Variants in ARMC9 observed in about 807,000 individuals in gnomAD.
ARMC9 encodes armadillo repeat containing 9.
ARMC9 carries 94 observed loss-of-function variants against 107.0 expected under a neutral mutation model. That is an observed-to-expected ratio of 0.88 (90% confidence interval 0.74 to 1.04). The LOEUF (loss-of-function observed/expected upper bound fraction) is 1.04. Among genes scored for constraint, ARMC9 ranks in the 50% least tolerant of loss-of-function variants. The pLI is 0.00. For missense variants in ARMC9, 942 were observed against 1,030.1 expected (o/e 0.91, Z 1.17); for synonymous variants, 380 against 396.9 (o/e 0.96, Z 0.51).
At chr2:231,217,961 A>T (rs925595655) in intron 5 of ARMC9, among the ~76,000 whole-genome samples, 1 of 151,444 alleles carries the variant, frequency 6.6e-6, no homozygotes, top group South Asian at 2.1e-4. Context: ...CCAAAGTGCT[A>T]GGATTACAGG....
At chr2:231,325,587 TGCCCAGAGC>T (rs1328617041) in intron 19 of ARMC9, among the ~76,000 whole-genome samples, 4 of 152,178 alleles carry the variant, frequency 2.6e-5, no homozygotes, top group Non-Finnish European at 5.9e-5. Flanking sequence ...CACTACTCCA[TGCCCAGAGC>T]TCCCTGCCAC....
At chr2:231,275,925 C>A (rs1191854331) in intron 14 of ARMC9, among the ~76,000 whole-genome samples, 1 of 152,126 alleles carries the variant, frequency 6.6e-6, no homozygotes, top group East Asian at 1.9e-4. Context: ...TGCACTCCAG[C>A]CTGGGCAATA....
At chr2:231,292,837 C>G (rs2041109541) in intron 18 of ARMC9, among the ~76,000 whole-genome samples, 1 of 152,232 alleles carries the variant, frequency 6.6e-6, no homozygotes, top group Non-Finnish European at 1.5e-5. Context: ...CCCCAGGTGG[C>G]CTTTCTTCTA....
chr2:231,245,947 G>A (rs137996083), intron 9 of ARMC9, among the ~76,000 whole-genome samples: 1 of 152,304 alleles, frequency 6.6e-6, no homozygotes, highest in Non-Finnish European at 1.5e-5. Context: ...TGCCCTAAGA[G>A]CAGGAGTGGG....
chr2:231,291,492 T>C (rs1365832192), intron 18 of ARMC9, 49 bp downstream of exon 18: 2 of 1,568,718 alleles, frequency 1.3e-6, no homozygotes, highest in East Asian at 2.3e-5. Flanking sequence ...TTATTCACAT[T>C]TGCCAGAAAG....
intron 14 of ARMC9, among the ~76,000 whole-genome samples, chr2:231,274,415 C>A (rs2039596468): frequency 6.6e-6 from 1 of 152,162 alleles, no homozygotes. Flanking sequence ...CGCGCCCGGC[C>A]TACACCACAT....
At chr2:231,286,637 A>G (rs1457272407) in intron 17 of ARMC9, among the ~76,000 whole-genome samples, 2 of 152,210 alleles carry the variant, frequency 1.3e-5, no homozygotes, top group Non-Finnish European at 2.9e-5. Flanking sequence ...TTGCTAATGA[A>G]ATTATGATTC....
intron 19 of ARMC9, among the ~76,000 whole-genome samples, chr2:231,327,155 C>T (rs189610387): frequency 5.3e-5 from 8 of 152,322 alleles, no homozygotes; most frequent in Admixed American, 3.9e-4. Context: ...TTGGCAGGGA[C>T]GAGGAAGGGG....
chr2:231,315,324 G>A (rs987227204), intron 19 of ARMC9, among the ~76,000 whole-genome samples: 6 of 151,312 alleles, frequency 4.0e-5, no homozygotes, highest in Non-Finnish European at 8.8e-5. Flanking sequence ...AGATCACGAA[G>A]TCAAGAGTTC....
intron 22 of ARMC9, among the ~76,000 whole-genome samples, chr2:231,359,157 C>T (rs993611441): frequency 1.4e-5 from 2 of 147,852 alleles, no homozygotes; most frequent in African/African-American, 5.1e-5. Flanking sequence ...GCGATCTTGG[C>T]TCACTGCAAA....
rs1410718111 is a variant in ARMC9 at position 231,246,352 on chromosome 2, CT to C, written c.879+6312del. Among the ~76,000 whole-genome samples the C allele has an allele frequency of 3.9e-5, 6 of 152,272 alleles. No homozygotes were observed. The East Asian group carries it at 1.2e-3, about 29-fold the overall frequency. On this transcript the variant is annotated intron_variant, in intron 9 of 24. Coordinates refer to ENST00000611582, the MANE Select transcript of ARMC9 (RefSeq NM_001352754.2). ...AGAGTTAGTTTTTCAAACCTTGCCC[CT>C]CCTACCCTCCCCCGCCAATAGTTCC...
chr2:231,271,561 T>G (rs1559382195), intron 13 of ARMC9, among the ~76,000 whole-genome samples: 1 of 152,200 alleles, frequency 6.6e-6, no homozygotes, highest in Non-Finnish European at 1.5e-5. Context: ...TTAAAATGAT[T>G]TTGCAAAGTG....
intron 13 of ARMC9, 30 bp downstream of exon 13, chr2:231,271,102 G>A (rs779310704): frequency 5.0e-6 from 8 of 1,605,946 alleles, no homozygotes; most frequent in Non-Finnish European, 6.8e-6. Context: ...TCAAAGATAA[G>A]AGCTAGGTCA....
At chr2:231,334,678 T>A (rs1559477819) in intron 20 of ARMC9, among the ~76,000 whole-genome samples, 2 of 152,166 alleles carry the variant, frequency 1.3e-5, no homozygotes, top group Admixed American at 6.5e-5. Flanking sequence ...CAGTAAGCGC[T>A]GAGGCCGGAT....
At chr2:231,221,332 A>G (rs555497027) in intron 5 of ARMC9, among the ~76,000 whole-genome samples, 2 of 152,204 alleles carry the variant, frequency 1.3e-5, no homozygotes, top group East Asian at 3.9e-4. Flanking sequence ...TGGATTAAGG[A>G]CACACCCTAC....
At position 231,360,567 on chromosome 2, in the gene ARMC9, C is replaced by A. The variant is rs2045526948; in HGVS notation, c.2132-187C>A. 6.6e-6 allele frequency among the ~76,000 whole-genome samples: 1 copy of A among 152,152 alleles called. No individual in the cohort carries two copies. Among genetic ancestry groups the A allele is most frequent in the South Asian group, 2.1e-4 (1 of 4,832 alleles). ...CACCACCAGCAGTGTGCCTGCCATC[C>A]CCCGCTACCTGGCAAGTTCCCGGGC... On this transcript the variant is annotated intron_variant, in intron 22 of 24. Coordinates refer to ENST00000611582, the MANE Select transcript of ARMC9 (RefSeq NM_001352754.2). This position sits in a 1 kb window ranked among gnomAD's most constrained non-coding sequence, Gnocchi z 4.7.
chr2:231,282,176 C>G, intron 17 of ARMC9, 43 bp downstream of exon 17: 1 of 1,593,086 alleles, frequency 6.3e-7, no homozygotes, highest in Non-Finnish European at 8.6e-7. Context: ...TCCTTTAGTG[C>G]CACAGTTCAG....
chr2:231,266,583 T>A (rs1257769153), intron 12 of ARMC9, among the ~76,000 whole-genome samples: 3 of 152,170 alleles, frequency 2.0e-5, no homozygotes, highest in Non-Finnish European at 4.4e-5. Flanking sequence ...TGAAACTCTG[T>A]ACCCATTAAG....
At chr2:231,334,630 A>T (rs932647960) in intron 20 of ARMC9, among the ~76,000 whole-genome samples, 4 of 152,164 alleles carry the variant, frequency 2.6e-5, no homozygotes, top group Admixed American at 6.5e-5. Flanking sequence ...TCACCATAGG[A>T]TCTCATGAAT....
Sources: gnomAD v4.1 joint callset for allele counts (sites outside exome capture counted in the v4.1 genomes callset) on GRCh38, gnomAD v4.1.1 for gene constraint, Gnocchi (gnomAD v3.1) non-coding constraint, MANE v1.5 for transcripts, NCBI Gene and HGNC (gene_info 2026-07-23, HGNC 2026-07-21) for gene names.